RIMS1: variants seen among roughly 807,000 people sequenced by gnomAD.
RIMS1 encodes regulating synaptic membrane exocytosis protein 1.
Under a neutral mutation model 214.1 loss-of-function variants are expected in RIMS1, and 83 were observed. The ratio of observed to expected loss-of-function variants is 0.39; its 90% CI spans 0.32 to 0.47. RIMS1 has a LOEUF of 0.47. Ranked by LOEUF, RIMS1 falls within the 20% of genes least tolerant of loss-of-function variation. The pLI, the probability that RIMS1 is intolerant of heterozygous loss-of-function variation, is 0.99. For missense variants in RIMS1, 2,050 were observed against 2,161.8 expected, an observed-to-expected ratio of 0.95 and a Z score of 1.03; for synonymous variants, 793 against 786.8, an observed-to-expected ratio of 1.01 and a Z score of -0.13.
At chr6:72,325,844 T>G (rs1012663455) in intron 28 of RIMS1, among the ~76,000 whole-genome samples, 1 of 151,824 alleles carries the variant, frequency 6.6e-6, no homozygotes, top group Non-Finnish European at 1.5e-5. Context: ...CTGATTCTTA[T>G]TATCAAAATA....
At chr6:72,340,549 C>T (rs1439829078) in intron 29 of RIMS1, among the ~76,000 whole-genome samples, 1 of 152,086 alleles carries the variant, frequency 6.6e-6, no homozygotes, top group Non-Finnish European at 1.5e-5. Context: ...GGAATCCTTT[C>T]CCCATTTCTT....
rs2050981946 is a variant in RIMS1 at position 72,196,580 on chromosome 6, C to CTTTTTTTTTTGTTT, written c.1678+13441_1678+13442insGTTTTTTTTTTTTT. On this transcript the variant is annotated intron_variant, in intron 6 of 33. Coordinates refer to ENST00000521978, the MANE Select transcript of RIMS1 (RefSeq NM_014989.7). ...AGTACTGTGCTGGCAGCCAGCTGCA[C>CTTTTTTTTTTGTTT]TTTTTTTTTTTTTTTTTTTTTTTAC... Among the ~76,000 whole-genome samples, 7 of 57,210 alleles carry CTTTTTTTTTTGTTT rather than the reference C, an allele frequency of 1.2e-4. 1 individual carries two copies. The highest frequency in any genetic ancestry group is 5.5e-4 in the African/African-American group (7 of 12,672). The allele number at this position is 57,210 out of a possible 152,430, so 37.5% of individuals were successfully genotyped here.
chr6:71,998,998 G>C (rs1584510747), intron 2 of RIMS1, among the ~76,000 whole-genome samples: 1 of 151,936 alleles, frequency 6.6e-6, no homozygotes, highest in Non-Finnish European at 1.5e-5. Flanking sequence ...TAGTTCTGTA[G>C]TTTTCTATGT....
intron 1 of RIMS1, among the ~76,000 whole-genome samples, chr6:71,897,785 T>G (rs1198150432): frequency 6.6e-6 from 1 of 152,124 alleles, no homozygotes; most frequent in African/African-American, 2.4e-5. Flanking sequence ...TGGCATAGAA[T>G]AGGTGCCCAT....
At chr6:72,272,847 T>C (rs2084125997) in intron 22 of RIMS1, among the ~76,000 whole-genome samples, 1 of 152,174 alleles carries the variant, frequency 6.6e-6, no homozygotes, top group Non-Finnish European at 1.5e-5. Context: ...TCCAATTATT[T>C]TACAACTATT....
chr6:72,056,545 G>A (rs897821679), intron 2 of RIMS1, among the ~76,000 whole-genome samples: 7 of 152,090 alleles, frequency 4.6e-5, no homozygotes, highest in Non-Finnish European at 1.0e-4. Context: ...CTGGAAAGAC[G>A]GTAGACTTTT....
chr6:72,235,890 A>G (rs1390812750), intron 8 of RIMS1, among the ~76,000 whole-genome samples, 162 bp downstream of exon 8: 1 of 75,978 alleles, frequency 1.3e-5, no homozygotes, highest in African/African-American at 7.3e-5. Context: ...AAATTTAGGG[A>G]AACTAATGTA....
At chr6:72,043,882 A>G (rs1476269848) in intron 2 of RIMS1, among the ~76,000 whole-genome samples, 1 of 151,522 alleles carries the variant, frequency 6.6e-6, no homozygotes, top group Non-Finnish European at 1.5e-5. Flanking sequence ...CACATAAAAG[A>G]AAAGTAAAAT....
Position 72,333,670 on chromosome 6 carries a change from G to A in RIMS1, c.4201G>A (p.Val1401Ile). 6.3e-7 allele frequency: 1 copy of A among 1,597,004 alleles called. No individual in the cohort carries two copies. Among genetic ancestry groups the A allele is most frequent in the Non-Finnish European group, 8.5e-7 (1 of 1,171,594 alleles). ...SGRSIMKSTS[V>I]SGEMYTLEHN... is the part of the protein sequence containing the mutation. ...AAGATCCATCATGAAGAGCACCAGT[G>A]TCAGTGGAGAGATGTACACACTGGA... Residue 1401 changes from valine to isoleucine, a missense_variant, in exon 29 of 34, where the codon GTC becomes ATC. Transcript: ENST00000521978.
chr6:71,895,206 C>G (rs1236877534), intron 1 of RIMS1, among the ~76,000 whole-genome samples: 1 of 152,164 alleles, frequency 6.6e-6, no homozygotes, highest in Non-Finnish European at 1.5e-5. Context: ...TTGATTAGTT[C>G]ACAATTTACA....
chr6:72,070,952 C>A (rs541530014), intron 2 of RIMS1, among the ~76,000 whole-genome samples: 2 of 151,908 alleles, frequency 1.3e-5, no homozygotes, highest in Non-Finnish European at 2.9e-5. Flanking sequence ...TGAAGGAAAT[C>A]GAAAGAATAA....
chr6:72,308,712 G>A (rs996362769), intron 27 of RIMS1, among the ~76,000 whole-genome samples: 1 of 152,108 alleles, frequency 6.6e-6, no homozygotes, highest in African/African-American at 2.4e-5. Context: ...GAGACAGTGT[G>A]GAGGGTCACT....
rs980043210 is a variant in RIMS1 at position 71,916,335 on chromosome 6, T to G, written c.164+29148T>G. Among the ~76,000 whole-genome samples, 4 of 152,124 alleles carry G rather than the reference T, an allele frequency of 2.6e-5. No individual in the cohort carries two copies. In the East Asian group the frequency reaches 5.8e-4, roughly 22 times the overall value. ...GTAACTAGCATTCAAAAAGATCATT[T>G]CATTGATGAGAGTGTTTGTAGGCTG... is the stretch of plus-strand genomic sequence containing the variant. On this transcript the variant is annotated intron_variant, in intron 1 of 33. Transcript: ENST00000521978.
intron 4 of RIMS1, among the ~76,000 whole-genome samples, chr6:72,154,860 GC>G (rs2153910965): frequency 7.1e-6 from 1 of 140,378 alleles, no homozygotes; most frequent in South Asian, 2.4e-4. Flanking sequence ...GCAAGATGCT[GC>G]CCTAGAGGCC....
At chr6:71,906,210 T>A (rs1456773051) in intron 1 of RIMS1, among the ~76,000 whole-genome samples, 3 of 152,156 alleles carry the variant, frequency 2.0e-5, no homozygotes, top group African/African-American at 7.2e-5. Flanking sequence ...ACAAACCTCC[T>A]AACAGTTATT....
At chr6:72,191,917 A>T (rs1006527156) in intron 6 of RIMS1, among the ~76,000 whole-genome samples, 6 of 152,214 alleles carry the variant, frequency 3.9e-5, no homozygotes, top group African/African-American at 1.4e-4. Flanking sequence ...CGATGATGGC[A>T]CTAATCTCTT....
intron 29 of RIMS1, among the ~76,000 whole-genome samples, chr6:72,351,760 C>G (rs2097455919): frequency 6.6e-6 from 1 of 152,146 alleles, no homozygotes; most frequent in South Asian, 2.1e-4. Flanking sequence ...TATCCAGAAT[C>G]TTCAGTGTCG....
At chr6:72,370,896 G>T (rs1209924711) in intron 29 of RIMS1, among the ~76,000 whole-genome samples, 2 of 152,156 alleles carry the variant, frequency 1.3e-5, no homozygotes, top group African/African-American at 4.8e-5. Context: ...GTACAGAAAA[G>T]GAGGAGAGGT....
chr6:72,252,143 A>G (rs2073685342), intron 15 of RIMS1, among the ~76,000 whole-genome samples: 1 of 152,208 alleles, frequency 6.6e-6, no homozygotes, highest in African/African-American at 2.4e-5. Flanking sequence ...TTTTTGTGTC[A>G]TAACTACATT....
Sources: gnomAD v4.1 joint callset for allele counts (sites outside exome capture counted in the v4.1 genomes callset) on GRCh38, gnomAD v4.1.1 for gene constraint, MANE v1.5 for transcripts, NCBI Gene and HGNC (gene_info 2026-07-23, HGNC 2026-07-21) for gene names.